Variants in NREP observed in about 807,000 individuals in gnomAD.
The protein encoded by NREP is neuronal regeneration-related protein.
A neutral mutation model predicts 8.6 loss-of-function variants in NREP; 5 were observed. The ratio of observed to expected loss-of-function variants is 0.58; its 90% CI spans 0.30 to 1.22. NREP has a LOEUF of 1.22. NREP is among the 50% of genes most tolerant of loss of function. The probability of loss-of-function intolerance (pLI) is 0.07; values close to 1 mark genes in which losing one functional copy is unlikely to be tolerated. For synonymous variants in NREP, 27 were observed against 28.0 expected, an observed-to-expected ratio of 0.96 and a Z score of 0.11; for missense variants, 86 against 82.5, an observed-to-expected ratio of 1.04 and a Z score of -0.17.
At chr5:111,800,140 G>A (rs1043560506) in intron 2 of NREP, among the ~76,000 whole-genome samples, 3 of 150,924 alleles carry the variant, frequency 2.0e-5, no homozygotes, top group Non-Finnish European at 4.4e-5. Context: ...ATATTGGCCA[G>A]GCTGATCTCA....
chr5:111,905,282 A>C (rs181921610), intron 2 of NREP, among the ~76,000 whole-genome samples: 1 of 152,162 alleles, frequency 6.6e-6, no homozygotes, highest in African/African-American at 2.4e-5. Context: ...TAACATTGTA[A>C]GAAACTACCA....
rs956100434 is a variant in NREP, at chr5:111,739,814, TAAAC to T, written c.4-4311_4-4308del. The T allele has an allele frequency of 6.9e-4, 105 of 152,322 alleles. 1 individual carries two copies. The highest frequency in any genetic ancestry group is 2.5e-3 in the African/African-American group (103 of 41,586). The allele number at this position is 152,322 out of a possible 1,614,324, so 9.4% of individuals were successfully genotyped here. On this transcript the variant is annotated intron_variant, in intron 2 of 3. Transcript: ENST00000257435. Reference sequence around the variant, plus strand: ...GAATACCTCAAAACTGTTGTTTCATTAAACAAACCAAAGTTTGCATTAATCTTCA... The same window carrying T: ...GAATACCTCAAAACTGTTGTTTCATTAAACCAAAGTTTGCATTAATCTTCA...
intron 2 of NREP, among the ~76,000 whole-genome samples, chr5:111,809,117 T>C (rs1201338418): frequency 6.6e-6 from 1 of 152,200 alleles, no homozygotes; most frequent in African/African-American, 2.4e-5. Flanking sequence ...AAACTTCGTA[T>C]CTAGATGTTA....
intron 2 of NREP, among the ~76,000 whole-genome samples, chr5:111,958,882 A>G (rs1207283217): frequency 1.3e-5 from 2 of 152,016 alleles, no homozygotes; most frequent in African/African-American, 4.8e-5. Flanking sequence ...CAAGACATCA[A>G]AAATAATTTA....
intron 2 of NREP, among the ~76,000 whole-genome samples, chr5:111,815,253 G>C (rs1335149313): frequency 6.6e-6 from 1 of 152,122 alleles, no homozygotes; most frequent in African/African-American, 2.4e-5. Flanking sequence ...GAACCCAGTA[G>C]GACTATTCCT....
chr5:111,971,788 A>G (rs1012482289), intron 2 of NREP, among the ~76,000 whole-genome samples: 6 of 152,198 alleles, frequency 3.9e-5, no homozygotes, highest in Non-Finnish European at 8.8e-5. Flanking sequence ...AAATGATGCG[A>G]AAAGCACACT....
At chr5:111,975,255 G>T (rs1260742060) in intron 2 of NREP, 2 of 1,519,504 alleles carry the variant, frequency 1.3e-6, no homozygotes, top group Non-Finnish European at 1.8e-6. Flanking sequence ...GAGCAAATCA[G>T]GATAGCAGTT....
chr5:111,733,809 T>A (rs924515862), intron 3 of NREP: 1 of 152,144 alleles, frequency 6.6e-6, no homozygotes, highest in African/African-American at 2.4e-5. Flanking sequence ...GTCACGCCAG[T>A]TAATGTGCCT....
intron 2 of NREP, chr5:111,974,278 A>G (rs759002661): frequency 6.6e-6 from 1 of 152,256 alleles, no homozygotes; most frequent in Admixed American, 6.5e-5. Flanking sequence ...GGAAAATATC[A>G]TGCTGTATTA....
At chr5:111,759,421 C>CTTTCTT (rs1554097453), upstream of NREP, among the ~76,000 whole-genome samples, 12 of 144,918 alleles carry the variant, frequency 8.3e-5, no homozygotes, top group East Asian at 4.0e-4. Flanking sequence ...TTCTTTCTTT[C>CTTTCTT]TTTTTTTTTT....
intron 2 of NREP, among the ~76,000 whole-genome samples, chr5:111,851,336 CAGA>C (rs750379667): frequency 1.3e-5 from 2 of 152,198 alleles, no homozygotes; most frequent in Non-Finnish European, 2.9e-5. Context: ...AAGCCTCCTG[CAGA>C]TACTCTGGTG....
At chr5:111,909,878 C>T (rs879845290) in intron 2 of NREP, among the ~76,000 whole-genome samples, 21 of 152,162 alleles carry the variant, frequency 1.4e-4, no homozygotes, top group Middle Eastern at 3.4e-3. Context: ...GCTCTGCTGT[C>T]GCTGCATTAT....
intron 3 of NREP, chr5:111,733,214 A>G (rs1748763472): frequency 6.6e-6 from 1 of 152,198 alleles, no homozygotes; most frequent in Non-Finnish European, 1.5e-5. Context: ...TTTCAAGCTT[A>G]GAGAGAGATT....
intron 2 of NREP, among the ~76,000 whole-genome samples, chr5:111,867,397 G>A (rs535174420): frequency 5.3e-5 from 8 of 152,170 alleles, no homozygotes; most frequent in Middle Eastern, 3.4e-3. Flanking sequence ...TGGGGAGGAC[G>A]CACTTCCTTG....
intron 2 of NREP, among the ~76,000 whole-genome samples, chr5:111,954,510 G>A (rs960621195): frequency 2.1e-4 from 32 of 152,064 alleles, no homozygotes; most frequent in African/African-American, 7.2e-4. Context: ...ACTCCAAATA[G>A]ATGCATTTTG....
At chr5:111,898,649 C>G (rs1331005437) in intron 2 of NREP, among the ~76,000 whole-genome samples, 1 of 152,100 alleles carries the variant, frequency 6.6e-6, no homozygotes, top group Non-Finnish European at 1.5e-5. Context: ...AAGCAACTGT[C>G]TCCCCTCAAA....
intron 2 of NREP, among the ~76,000 whole-genome samples, chr5:111,959,785 A>C (rs1440252927): frequency 6.6e-6 from 1 of 152,068 alleles, no homozygotes; most frequent in African/African-American, 2.4e-5. Flanking sequence ...TATTCCTTAC[A>C]AACCAGCAAT....
chr5:111,897,138 A>G (rs1193943426), intron 2 of NREP, among the ~76,000 whole-genome samples: 1 of 152,140 alleles, frequency 6.6e-6, no homozygotes, highest in Non-Finnish European at 1.5e-5. Context: ...TTTTCAAGGC[A>G]CTTTTCATAA....
At chr5:111,767,453 A>G (rs966447410) in intron 2 of NREP, among the ~76,000 whole-genome samples, 17 of 152,176 alleles carry the variant, frequency 1.1e-4, no homozygotes, top group Non-Finnish European at 1.6e-4. Flanking sequence ...TTCTACCTGA[A>G]GGACCCACAA....
Sources: gnomAD v4.1 joint callset for allele counts (sites outside exome capture counted in the v4.1 genomes callset) on GRCh38, gnomAD v4.1.1 for gene constraint, MANE v1.5 for transcripts, NCBI Gene and HGNC (gene_info 2026-07-23, HGNC 2026-07-21) for gene names.